Variants in NPAS3 observed in about 807,000 individuals in gnomAD.
The protein encoded by NPAS3 is neuronal PAS domain protein 3, also known as neuronal PAS domain-containing protein 3.
NPAS3 carries 14 observed loss-of-function variants against 73.1 expected under a neutral mutation model. That is an observed-to-expected ratio of 0.19 (90% CI 0.13 to 0.30). NPAS3 has a LOEUF of 0.30. Among genes scored for constraint, NPAS3 ranks in the 10% least tolerant of loss-of-function variants. The probability of loss-of-function intolerance (pLI) is 1.00; values close to 1 mark genes in which losing one functional copy is unlikely to be tolerated. For synonymous variants in NPAS3, 620 were observed against 541.5 expected (o/e 1.14, Z -2.01); for missense variants, 1,096 against 1,250.0 (o/e 0.88, Z 1.86).
intron 1 of NPAS3, among the ~76,000 whole-genome samples, chr14:33,000,503 G>T (rs932892984): frequency 6.6e-6 from 1 of 152,152 alleles, no homozygotes. Context: ...GAGTTGTTAT[G>T]TATCTGGTGC....
chr14:33,003,742 T>C (rs2038892053), intron 1 of NPAS3, among the ~76,000 whole-genome samples: 1 of 152,220 alleles, frequency 6.6e-6, no homozygotes, highest in South Asian at 2.1e-4. Context: ...ATACAAAGCA[T>C]TGTCCCTTAC....
At chr14:33,052,897 G>T (rs924267622) in intron 1 of NPAS3, among the ~76,000 whole-genome samples, 3 of 151,880 alleles carry the variant, frequency 2.0e-5, no homozygotes, top group African/African-American at 7.3e-5. Flanking sequence ...GAAAACCAGG[G>T]TCCAGTTAGT....
intron 5 of NPAS3, among the ~76,000 whole-genome samples, chr14:33,655,817 C>G (rs769576399): frequency 5.3e-5 from 8 of 152,074 alleles, no homozygotes; most frequent in African/African-American, 1.4e-4. Flanking sequence ...TAGTAAATCT[C>G]AATATTTCAT....
At chr14:33,650,711 C>T (rs2058966729) in intron 5 of NPAS3, among the ~76,000 whole-genome samples, 1 of 151,862 alleles carries the variant, frequency 6.6e-6, no homozygotes, top group Non-Finnish European at 1.5e-5. Context: ...CATGTCTCTT[C>T]TGGGGGCTCT....
At chr14:33,683,342 A>T (rs942327702) in intron 6 of NPAS3, among the ~76,000 whole-genome samples, 8 of 145,908 alleles carry the variant, frequency 5.5e-5, no homozygotes, top group African/African-American at 2.1e-4. Flanking sequence ...CTCTTTGCCA[A>T]TAGTGATTGA....
chr14:33,743,999 T>C (rs1303747656), intron 7 of NPAS3, among the ~76,000 whole-genome samples: 1 of 152,240 alleles, frequency 6.6e-6, no homozygotes, highest in Non-Finnish European at 1.5e-5. Flanking sequence ...TTTGGTCTTC[T>C]ATCCAGAACA....
intron 6 of NPAS3, among the ~76,000 whole-genome samples, chr14:33,709,248 C>T (rs559881128): frequency 4.6e-5 from 7 of 152,260 alleles, no homozygotes; most frequent in South Asian, 4.2e-4. Flanking sequence ...AGTCATTGTC[C>T]CCTGGAGAAA....
At chr14:33,641,032 C>A (rs1225485220) in intron 5 of NPAS3, among the ~76,000 whole-genome samples, 1 of 152,090 alleles carries the variant, frequency 6.6e-6, no homozygotes, top group Non-Finnish European at 1.5e-5. Context: ...TTTTTAGTAT[C>A]TTCTGTATAC....
At chr14:33,570,442 G>A (rs1047608242) in intron 5 of NPAS3, among the ~76,000 whole-genome samples, 1 of 152,122 alleles carries the variant, frequency 6.6e-6, no homozygotes, top group Non-Finnish European at 1.5e-5. Context: ...ACACATCCCT[G>A]AGGACAGAAG....
At chr14:33,188,949 T>C (rs2046074435) in intron 2 of NPAS3, among the ~76,000 whole-genome samples, 1 of 152,318 alleles carries the variant, frequency 6.6e-6, no homozygotes, top group South Asian at 2.1e-4. Context: ...TCAGAGATTT[T>C]GAGACAGATT....
At chr14:32,937,110 GA>G (rs1242437223), upstream of NPAS3, among the ~76,000 whole-genome samples, 3 of 152,056 alleles carry the variant, frequency 2.0e-5, no homozygotes, top group African/African-American at 7.2e-5. Context: ...AAAATAGGGG[GA>G]GGGGGGCAGA....
chr14:33,534,764 G>A (rs768515345), intron 4 of NPAS3, among the ~76,000 whole-genome samples: 38 of 152,144 alleles, frequency 2.5e-4, no homozygotes, highest in African/African-American at 6.7e-4. Context: ...ACCACACAGC[G>A]TGCACTCTGA....
intron 2 of NPAS3, among the ~76,000 whole-genome samples, chr14:33,115,017 G>T (rs1161705322): frequency 1.3e-5 from 2 of 152,124 alleles, no homozygotes; most frequent in Admixed American, 6.5e-5. Context: ...GGAAGAAAAA[G>T]ATTCCTATTC....
At chr14:32,963,567 G>A (rs575692736) in intron 1 of NPAS3, among the ~76,000 whole-genome samples, 9 of 152,190 alleles carry the variant, frequency 5.9e-5, no homozygotes, top group South Asian at 2.1e-4. Context: ...ACTTACTGAC[G>A]TGGTGGTCCA....
chr14:33,740,921 T>C (rs1324534055), intron 7 of NPAS3, among the ~76,000 whole-genome samples: 1 of 152,178 alleles, frequency 6.6e-6, no homozygotes, highest in Non-Finnish European at 1.5e-5. Flanking sequence ...AAAAACTCCA[T>C]GATTTCTCAG....
intron 5 of NPAS3, among the ~76,000 whole-genome samples, chr14:33,566,926 G>C (rs2055977768): frequency 6.6e-6 from 1 of 152,208 alleles, no homozygotes; most frequent in Admixed American, 6.5e-5. Context: ...TTGAATCCCA[G>C]TGGCAGCCTC....
At chr14:33,091,017 A>T (rs970787495) in intron 2 of NPAS3, among the ~76,000 whole-genome samples, 1 of 152,214 alleles carries the variant, frequency 6.6e-6, no homozygotes, top group African/African-American at 2.4e-5. Context: ...TATAGCACTA[A>T]ATGCCCACAA....
At chr14:33,150,542 G>A (rs946534467) in intron 2 of NPAS3, among the ~76,000 whole-genome samples, 1 of 152,148 alleles carries the variant, frequency 6.6e-6, no homozygotes, top group Non-Finnish European at 1.5e-5. Flanking sequence ...AGTTTCCTTT[G>A]CATTTCAGTG....
intron 4 of NPAS3, among the ~76,000 whole-genome samples, chr14:33,435,760 T>A (rs1266497118): frequency 6.6e-6 from 1 of 152,148 alleles, no homozygotes; most frequent in South Asian, 2.1e-4. Context: ...TGCCCCCCTA[T>A]GTCCTGTCCC....
Sources: gnomAD v4.1 joint callset for allele counts (sites outside exome capture counted in the v4.1 genomes callset) on GRCh38, gnomAD v4.1.1 for gene constraint, MANE v1.5 for transcripts, NCBI Gene and HGNC (gene_info 2026-07-23, HGNC 2026-07-21) for gene names.